Variants in UMAD1 observed in about 807,000 individuals in gnomAD.
UMAD1 encodes the protein UBAP1-MVB12-associated (UMA)-domain containing protein 1.
Under a neutral mutation model 6.1 loss-of-function variants are expected in UMAD1, and 8 were observed. The ratio of observed to expected loss-of-function variants is 1.30; its 90% CI spans 0.76 to 2.35. The LOEUF (loss-of-function observed/expected upper bound fraction) is 2.35. Ranked by LOEUF, UMAD1 falls within the 30% of genes most tolerant of loss-of-function variation. The pLI is 0.00. For missense variants in UMAD1, 130 were observed against 78.4 expected, an observed-to-expected ratio of 1.66 and a Z score of -2.49; for synonymous variants, 56 against 31.4, an observed-to-expected ratio of 1.78 and a Z score of -2.61.
intron 2 of UMAD1, among the ~76,000 whole-genome samples, chr7:7,741,578 A>AAATAATAAT (rs201307561): frequency 0.033 from 4,562 of 139,358 alleles, 109 homozygotes; most frequent in Non-Finnish European, 0.048. Context: ...CAACGTCTCA[A>AAATAATAAT]AATAATAATA....
intron 1 of UMAD1, among the ~76,000 whole-genome samples, chr7:7,663,663 C>T (rs192578217): frequency 2.8e-4 from 43 of 152,276 alleles, no homozygotes; most frequent in African/African-American, 1.0e-3. Flanking sequence ...TAGTGAGATA[C>T]TGCAACTGGT....
intron 3 of UMAD1, among the ~76,000 whole-genome samples, chr7:7,823,814 C>T (rs1292508154): frequency 6.6e-6 from 1 of 152,064 alleles, no homozygotes; most frequent in Admixed American, 6.6e-5. Flanking sequence ...AAAAATGCTT[C>T]CTTGTAAAGT....
At chr7:7,727,837 A>C in intron 2 of UMAD1, among the ~76,000 whole-genome samples, 1 of 152,096 alleles carries the variant, frequency 6.6e-6, no homozygotes, top group East Asian at 1.9e-4. Flanking sequence ...TAGATGGCTT[A>C]TTGTGGGACC....
At chr7:7,867,908 C>G (rs1784262416) in intron 3 of UMAD1, among the ~76,000 whole-genome samples, 1 of 151,974 alleles carries the variant, frequency 6.6e-6, no homozygotes, top group East Asian at 1.9e-4. Context: ...GCCCTGGAAG[C>G]TCTGGGGAAG....
At chr7:7,807,779 C>G (rs1782947284) in intron 3 of UMAD1, among the ~76,000 whole-genome samples, 1 of 152,036 alleles carries the variant, frequency 6.6e-6, no homozygotes, top group Non-Finnish European at 1.5e-5. Context: ...TTAGCATTCA[C>G]TCCAGAAAAA....
intron 2 of UMAD1, among the ~76,000 whole-genome samples, chr7:7,741,446 C>T (rs988247726): frequency 6.6e-6 from 1 of 151,808 alleles, no homozygotes; most frequent in African/African-American, 2.4e-5. Flanking sequence ...TGGCGTGCGC[C>T]TGTAGTCGTA....
chr7:7,675,757 A>G (rs1008444151), intron 2 of UMAD1, among the ~76,000 whole-genome samples: 84 of 152,186 alleles, frequency 5.5e-4, no homozygotes, highest in Admixed American at 4.1e-3. Flanking sequence ...ATGGTGAGGA[A>G]TCACTTCCGT....
intron 2 of UMAD1, among the ~76,000 whole-genome samples, chr7:7,682,463 C>G (rs1214957692): frequency 1.3e-5 from 2 of 152,100 alleles, no homozygotes; most frequent in Admixed American, 6.6e-5. Context: ...TAAAGGTAGT[C>G]TCTTCATCGC....
At chr7:7,788,275 G>T (rs886371735) in intron 2 of UMAD1, among the ~76,000 whole-genome samples, 2 of 152,206 alleles carry the variant, frequency 1.3e-5, no homozygotes, top group Non-Finnish European at 2.9e-5. Flanking sequence ...TGAGGTAGTT[G>T]TGTTGAAGCT....
rs7789958 is a variant in UMAD1, at chr7:7,759,569, G to A, written c.83-42101G>A. Among the ~76,000 whole-genome samples the A allele has an allele frequency of 7.7e-3, 1,179 of 152,226 alleles. 15 individuals are homozygous for A. Among genetic ancestry groups the A allele is most frequent in the African/African-American group, 0.026 (1,076 of 41,546 alleles). On this transcript the variant is annotated intron_variant, in intron 2 of 3. Transcript: ENST00000682710. ...CTTCGTACATAAATGAAAATCTAAT[G>A]TAAAATTGTAAATGGGAAAAGTACT...
intron 2 of UMAD1, among the ~76,000 whole-genome samples, chr7:7,703,005 G>A (rs1347346560): frequency 6.6e-6 from 1 of 152,186 alleles, no homozygotes; most frequent in Non-Finnish European, 1.5e-5. Context: ...ATGCGAGCAG[G>A]CAGAGCAGAA....
At chr7:7,825,518 G>A (rs1344523904) in intron 3 of UMAD1, among the ~76,000 whole-genome samples, 1 of 152,070 alleles carries the variant, frequency 6.6e-6, no homozygotes, top group Non-Finnish European at 1.5e-5. Context: ...AAGAGAAAGA[G>A]CTTGTGCAGG....
At chr7:7,694,001 C>T (rs1240217303) in intron 2 of UMAD1, among the ~76,000 whole-genome samples, 1 of 152,028 alleles carries the variant, frequency 6.6e-6, no homozygotes, top group African/African-American at 2.4e-5. Flanking sequence ...AATACTAATG[C>T]TTTGTTGATA....
chr7:7,698,375 A>T (rs1461918037), intron 2 of UMAD1, among the ~76,000 whole-genome samples: 1 of 152,190 alleles, frequency 6.6e-6, no homozygotes, highest in African/African-American at 2.4e-5. Flanking sequence ...CTCTGCCATC[A>T]ATTTCAACCA....
At chr7:7,684,519 A>AT (rs1264253370) in intron 2 of UMAD1, among the ~76,000 whole-genome samples, 3 of 151,420 alleles carry the variant, frequency 2.0e-5, no homozygotes, top group African/African-American at 4.9e-5. Context: ...ACCACAAGCA[A>AT]TTTTTTTTTC....
intron 3 of UMAD1, among the ~76,000 whole-genome samples, chr7:7,837,060 C>G (rs184024484): frequency 6.6e-6 from 1 of 151,500 alleles, no homozygotes; most frequent in East Asian, 1.9e-4. Flanking sequence ...AGTATAACAC[C>G]AAAGACAAAC....
chr7:7,699,441 A>G (rs918886878), intron 2 of UMAD1, among the ~76,000 whole-genome samples: 3 of 152,162 alleles, frequency 2.0e-5, no homozygotes, highest in Admixed American at 1.3e-4. Flanking sequence ...TTTAGTTTTT[A>G]CTTACACTAA....
intron 3 of UMAD1, among the ~76,000 whole-genome samples, chr7:7,808,323 C>G (rs1782957745): frequency 2.0e-5 from 3 of 151,902 alleles, no homozygotes; most frequent in Admixed American, 2.0e-4. Context: ...GGGAGATAAA[C>G]CTGTAGGGGC....
At position 7,683,711 on chromosome 7, in the gene UMAD1, C is replaced by T. The variant is rs1228200396; in HGVS notation, c.82+10258C>T. Reference sequence around the variant, plus strand: ...GGTCTCTGTTCACTGCAATCTCCGCCTCCTGGGTTCAAGTGATTCTCCTGC... The same window carrying T: ...GGTCTCTGTTCACTGCAATCTCCGCTTCCTGGGTTCAAGTGATTCTCCTGC... On this transcript the variant is annotated intron_variant, in intron 2 of 3. Coordinates refer to ENST00000682710, the MANE Select transcript of UMAD1 (RefSeq NM_001302348.2). Among the ~76,000 whole-genome samples the T allele has an allele frequency of 3.3e-5, 5 of 151,972 alleles. No homozygotes were observed. The East Asian group carries it at 9.6e-4, about 29-fold the overall frequency.
Sources: gnomAD v4.1 joint callset for allele counts (sites outside exome capture counted in the v4.1 genomes callset) on GRCh38, gnomAD v4.1.1 for gene constraint, MANE v1.5 for transcripts, NCBI Gene and HGNC (gene_info 2026-07-23, HGNC 2026-07-21) for gene names.